Variants in ITGA3 observed in about 807,000 individuals in gnomAD.
ITGA3 encodes integrin alpha-3.
A neutral mutation model predicts 131.1 loss-of-function variants in ITGA3; 70 were observed. The ratio of observed to expected loss-of-function variants is 0.53; its 90% confidence interval spans 0.44 to 0.65. The LOEUF (loss-of-function observed/expected upper bound fraction) is 0.65, where lower values mean the gene tolerates loss of function less well. ITGA3 is among the 30% of genes least tolerant of loss of function. The pLI is 0.00. For missense variants in ITGA3, 1,098 were observed against 1,388.6 expected (o/e 0.79, Z 3.33); for synonymous variants, 537 against 571.6 (o/e 0.94, Z 0.86).
chr17:50,060,907 C>T (rs1209866858), intron 1 of ITGA3, among the ~76,000 whole-genome samples: 3 of 152,172 alleles, frequency 2.0e-5, no homozygotes, highest in Non-Finnish European at 2.9e-5. Context: ...ATTTGCATTT[C>T]ATTTGCATAC....
chr17:50,061,581 T>C (rs1908078997), intron 1 of ITGA3, among the ~76,000 whole-genome samples: 1 of 152,132 alleles, frequency 6.6e-6, no homozygotes, highest in Non-Finnish European at 1.5e-5. Flanking sequence ...GAGCCCCCGC[T>C]GTAGAGTGAC....
In ITGA3 at chr17:50,078,204, A is replaced by G; in HGVS notation, c.2220-3A>G. 6.2e-7 allele frequency: 1 copy of G among 1,613,864 alleles called. No individual in the cohort carries two copies. The highest frequency in any genetic ancestry group is 8.5e-7 in the Non-Finnish European group (1 of 1,179,900). On this transcript the variant is annotated splice_polypyrimidine_tract_variant and splice_region_variant and intron_variant, in intron 17 of 25. Transcript: ENST00000320031. ...CTTCCTAACCCCTGCATTTCCTCCC[A>G]AGGTCGAGTCACCAGGACAACCTGT...
chr17:50,065,701 C>T (rs888522434), intron 3 of ITGA3: 5 of 149,828 alleles, frequency 3.3e-5, no homozygotes, highest in African/African-American at 1.3e-4. Context: ...CTCTCTCTCT[C>T]TTTTCTTTTC....
At chr17:50,078,397 C>A in intron 18 of ITGA3, 113 bp downstream of exon 18, 1 of 772,238 alleles carries the variant, frequency 1.3e-6, no homozygotes, top group Non-Finnish European at 2.2e-6. Context: ...CCAGTGTCCT[C>A]AGGCCTCCAC....
intron 3 of ITGA3, among the ~76,000 whole-genome samples, chr17:50,067,770 C>A (rs749783027): frequency 2.3e-4 from 35 of 152,208 alleles, no homozygotes; most frequent in South Asian, 6.2e-4. Flanking sequence ...AGACCAAGAG[C>A]CTGAACCCCA....
intron 7 of ITGA3, among the ~76,000 whole-genome samples, chr17:50,072,635 G>C (rs1908685404): frequency 6.6e-6 from 1 of 152,098 alleles, no homozygotes; most frequent in Non-Finnish European, 1.5e-5. Context: ...TGGGGTCATG[G>C]GGCATCCAGA....
Position 50,087,764 on chromosome 17 carries a change from G to A in ITGA3, c.2940G>A (p.Ser980=), listed in dbSNP as rs148126631. 10 of 1,613,082 alleles carry A rather than the reference G, an allele frequency of 6.2e-6. No homozygotes were observed. The African/African-American group carries it at 8.0e-5, about 13-fold the overall frequency. Residue 980 remains serine (S), a synonymous_variant, in exon 24 of 26, where the codon TCG becomes TCA. Transcript: ENST00000320031. ...TCCAGTTCTCTGTGGACATTGACTC[G>A]GAGCTGGTGGAGGAGCTGCCGGCCG... ...KTTWFSVDID[S]ELVEELPAEI...
intron 15 of ITGA3, 53 bp downstream of exon 15, chr17:50,077,174 C>T (rs2144297302): frequency 1.3e-6 from 2 of 1,490,294 alleles, no homozygotes; most frequent in Middle Eastern, 3.5e-4. Flanking sequence ...CGCGTCTTTG[C>T]ATCCCCATAT....
chr17:50,074,254 C>A lies in ITGA3; in HGVS notation c.1356C>A (p.Ser452Arg), dbSNP rs1395462683. The A allele has an allele frequency of 3.1e-6, 5 of 1,613,994 alleles. No individual in the cohort carries two copies. The highest frequency in any genetic ancestry group is 4.2e-6 in the Non-Finnish European group (5 of 1,179,950). ...TCTACCCAGACCTTCTAGTGGGAAGCCTGTCAGACCACATTGTGCTGCTGC... is the reference window on the plus strand; with the variant it reads ...TCTACCCAGACCTTCTAGTGGGAAGACTGTCAGACCACATTGTGCTGCTGC... ...ENFYPDLLVGSLSDHIVLLRA... is the reference protein window; with the variant it reads ...ENFYPDLLVGRLSDHIVLLRA... The change falls in exon 9 of 26, where the codon AGC (serine) becomes AGA (arginine). Residue 452 changes from serine to arginine, a missense_variant. This residue lies in a region of ITGA3 where 699 missense variants were observed against 829.2 expected (regional missense o/e 0.84). Transcript: ENST00000320031.
At chr17:50,073,593 A>AACACACACAC (rs71146961) in intron 7 of ITGA3, among the ~76,000 whole-genome samples, 38 of 144,266 alleles carry the variant, frequency 2.6e-4, no homozygotes, top group African/African-American at 9.3e-4. Context: ...ACTGTCTATA[A>AACACACACAC]ACACACACAC....
chr17:50,066,648 G>A lies in ITGA3; in HGVS notation c.415-1408G>A, dbSNP rs550533557. On this transcript the variant is annotated intron_variant, in intron 3 of 25. Coordinates refer to ENST00000320031, the MANE Select transcript of ITGA3 (RefSeq NM_002204.4). ...AAATTAGCCCGGCATGGTGGTATGCGCCTGTAATCCCAGCTGCCTGGGAGG... is the reference window on the plus strand; with the variant it reads ...AAATTAGCCCGGCATGGTGGTATGCACCTGTAATCCCAGCTGCCTGGGAGG... Among the ~76,000 whole-genome samples, 39 of 152,086 alleles carry A rather than the reference G, an allele frequency of 2.6e-4. No homozygotes were observed. In the South Asian group the frequency reaches 7.1e-3, roughly 28 times the overall value.
At chr17:50,071,619 C>A in intron 6 of ITGA3, 101 bp downstream of exon 6, 1 of 1,122,652 alleles carries the variant, frequency 8.9e-7, no homozygotes. Context: ...AGTTGTGCGG[C>A]TGTCTGCATG....
At chr17:50,067,096 T>C (rs983462051) in intron 3 of ITGA3, among the ~76,000 whole-genome samples, 14 of 152,190 alleles carry the variant, frequency 9.2e-5, no homozygotes, top group African/African-American at 3.4e-4. Flanking sequence ...TAGCAGTTAT[T>C]TACTCACTGT....
In ITGA3 at chr17:50,076,966, G is replaced by C; in HGVS notation, c.1923-8G>C. 6.2e-7 allele frequency: 1 copy of C among 1,600,930 alleles called. No homozygotes were observed. Among genetic ancestry groups the C allele is most frequent in the South Asian group, 1.1e-5 (1 of 90,086 alleles). ...GCTCTTGGCTGAGTCCTGGGCTCCT[G>C]CTCTCAGGCTCCAGTACAGCAGAGA... On this transcript the variant is annotated splice_polypyrimidine_tract_variant and splice_region_variant and intron_variant, in intron 14 of 25. Transcript: ENST00000320031.
At position 50,080,395 on chromosome 17, in the gene ITGA3, G is replaced by T. The variant is rs753314060; in HGVS notation, c.2820+20G>T. ...ATCGAGGTCAGTGCCTGGGTCTGAAGGTCTCTCCTACCATCCACCCTGAGG... is the reference window on the plus strand; with the variant it reads ...ATCGAGGTCAGTGCCTGGGTCTGAATGTCTCTCCTACCATCCACCCTGAGG... On this transcript the variant is annotated intron_variant, in intron 22 of 25. Transcript: ENST00000320031. 1.3e-6 allele frequency: 2 copies of T among 1,493,594 alleles called. No individual in the cohort carries two copies. Among genetic ancestry groups the T allele is most frequent in the East Asian group, 2.3e-5 (1 of 44,020 alleles). The allele number at this position is 1,493,594 out of a possible 1,614,324, so 92.5% of individuals were successfully genotyped here.
chr17:50,071,949 T>G (rs765857108), intron 6 of ITGA3, 37 bp from the exon 7 acceptor site: 1 of 1,577,418 alleles, frequency 6.3e-7, no homozygotes, highest in Non-Finnish European at 8.7e-7. Context: ...TATTGGAGGC[T>G]GACCTCACAC....
chr17:50,076,652 C>T lies in ITGA3; in HGVS notation c.1893C>T (p.Phe631=), dbSNP rs776971185. The change falls in exon 14 of 26, where the codon TTC becomes TTT. Residue 631 remains phenylalanine, a synonymous_variant. Transcript: ENST00000320031. ...GCAACTTGCAGATGCGGGCAGCCTTCGTGTCAGAGCAGCAGCAGAAGCTGA... is the reference window on the plus strand; with the variant it reads ...GCAACTTGCAGATGCGGGCAGCCTTTGTGTCAGAGCAGCAGCAGAAGCTGA... ...CESNLQMRAA[F]VSEQQQKLSR... is the part of the protein sequence containing the mutation. 1.7e-5 allele frequency: 27 copies of T among 1,613,202 alleles called. 1 individual carries two copies. The Admixed American group carries it at 4.2e-4, about 25-fold the overall frequency.
chr17:50,088,468 A>C, intron 25 of ITGA3, 102 bp downstream of exon 25: 4 of 629,208 alleles, frequency 6.4e-6, no homozygotes, highest in South Asian at 1.9e-5. Context: ...CTCTGACCTC[A>C]TTCTGTCCCC....
At position 50,057,892 on chromosome 17, in the gene ITGA3, A is replaced by G. The variant is rs770582006; in HGVS notation, c.206+1247A>G. Among the ~76,000 whole-genome samples, 9 of 152,134 alleles carry G rather than the reference A, an allele frequency of 5.9e-5. No homozygotes were observed. In the South Asian group the frequency reaches 6.2e-4, roughly 11 times the overall value. On this transcript the variant is annotated intron_variant, in intron 1 of 25. Transcript: ENST00000320031. ...CCTACCTGGACTTAACCTCAACTCC[A>G]TCTTGCTCTTGCAGAGGCTAGGGCT...
Sources: gnomAD v4.1 joint callset for allele counts (sites outside exome capture counted in the v4.1 genomes callset) on GRCh38, gnomAD v4.1.1 for gene constraint, gnomAD v4.1.1 regional missense constraint, MANE v1.5 for transcripts, NCBI Gene and HGNC (gene_info 2026-07-23, HGNC 2026-07-21) for gene names.